The following R3HDM1 variants were observed in gnomAD, a reference collection of about 807,000 sequenced individuals.
R3HDM1 encodes the protein R3H domain-containing protein 1.
R3HDM1 carries 46 observed loss-of-function variants against 141.1 expected under a neutral mutation model. That is an observed-to-expected ratio of 0.33 (90% CI 0.26 to 0.42). The LOEUF (loss-of-function observed/expected upper bound fraction) is 0.42. R3HDM1 is among the 10% of genes least tolerant of loss of function. R3HDM1 has a pLI of 1.00. For synonymous variants in R3HDM1, 435 were observed against 472.9 expected (o/e 0.92, Z 1.04); for missense variants, 1,184 against 1,368.3 (o/e 0.87, Z 2.12).
At chr2:135,683,022 T>C (rs1559425688) in intron 21 of R3HDM1, among the ~76,000 whole-genome samples, 1 of 151,834 alleles carries the variant, frequency 6.6e-6, no homozygotes, top group Non-Finnish European at 1.5e-5. Flanking sequence ...AAAAAGTCTT[T>C]GGAATTACCC....
intron 20 of R3HDM1, among the ~76,000 whole-genome samples, chr2:135,678,952 T>C (rs1294845089): frequency 6.6e-6 from 1 of 151,432 alleles, no homozygotes; most frequent in African/African-American, 2.4e-5. Context: ...AGAGACGGGG[T>C]TTCACCATGT....
At chr2:135,719,200 A>G (rs968479221) in intron 24 of R3HDM1, among the ~76,000 whole-genome samples, 6 of 151,970 alleles carry the variant, frequency 3.9e-5, no homozygotes, top group Non-Finnish European at 8.8e-5. Context: ...GCATATTTTA[A>G]AAAAATAAAT....
intron 1 of R3HDM1, chr2:135,536,487 G>A: frequency 1.1e-6 from 1 of 891,250 alleles, no homozygotes; most frequent in South Asian, 5.2e-5. Flanking sequence ...TTTAAATCAT[G>A]TTTGCTTTAC....
intron 1 of R3HDM1, among the ~76,000 whole-genome samples, chr2:135,560,105 A>G (rs1447550076): frequency 6.6e-6 from 1 of 152,216 alleles, no homozygotes; most frequent in Non-Finnish European, 1.5e-5. Flanking sequence ...AAGTTGGCGC[A>G]TGTATATATT....
chr2:135,583,825 T>C, intron 1 of R3HDM1: 2 of 985,454 alleles, frequency 2.0e-6, no homozygotes, highest in Non-Finnish European at 2.4e-6. Context: ...TTATCAGCCA[T>C]GTTAGTAATT....
intron 19 of R3HDM1, chr2:135,670,155 A>AG (rs57748150): frequency 0.034 from 10,836 of 321,670 alleles, 751 homozygotes; most frequent in African/African-American, 0.17. Flanking sequence ...AAAAAAAAAA[A>AG]AAACCAACAA....
At chr2:135,645,598 T>G (rs2064310164) in intron 16 of R3HDM1, 71 bp downstream of exon 16, 1 of 1,514,396 alleles carries the variant, frequency 6.6e-7, no homozygotes, top group East Asian at 2.3e-5. Context: ...ATTCGCTAAT[T>G]ATAATTGAGA....
At position 135,641,580 on chromosome 2, in the gene R3HDM1, T is replaced by C; in HGVS notation, c.1264T>C (p.Ser422Pro). The change falls in exon 15 of 27, where the codon TCT becomes CCT. Residue 422 changes from serine to proline, a missense_variant. By Grantham distance (74) the Ser-to-Pro change is moderately conservative. Transcript: ENST00000683871. ...TGTAGGGTCATCTACAGGCTCTCTT[T>C]CTCACATCCAGCAGCCTCTTCCAGG... ...GSVGSSTGSLSHIQQPLPGTA... is the reference protein window; with the variant it reads ...GSVGSSTGSLPHIQQPLPGTA... 1 of 1,614,108 alleles carries C rather than the reference T, an allele frequency of 6.2e-7. No homozygotes were observed. The highest frequency in any genetic ancestry group is 8.5e-7 in the Non-Finnish European group (1 of 1,179,956).
At chr2:135,561,714 G>T (rs565192615) in intron 1 of R3HDM1, among the ~76,000 whole-genome samples, 3 of 148,686 alleles carry the variant, frequency 2.0e-5, no homozygotes, top group African/African-American at 7.7e-5. Context: ...GTGAGGTCCT[G>T]TCTCAAAAAC....
chr2:135,579,205 AAT>A (rs1457319362), intron 1 of R3HDM1, among the ~76,000 whole-genome samples: 1 of 152,220 alleles, frequency 6.6e-6, no homozygotes, highest in Non-Finnish European at 1.5e-5. Flanking sequence ...TAATTCAAAA[AAT>A]GATTAGGGCA....
chr2:135,646,764 A>T (rs929710108), intron 16 of R3HDM1, among the ~76,000 whole-genome samples: 1 of 151,040 alleles, frequency 6.6e-6, no homozygotes, highest in African/African-American at 2.4e-5. Context: ...CAGGAGAATC[A>T]CTTGAACCCG....
At chr2:135,572,667 G>T (rs1573951388) in intron 1 of R3HDM1, among the ~76,000 whole-genome samples, 1 of 152,206 alleles carries the variant, frequency 6.6e-6, no homozygotes, top group Admixed American at 6.5e-5. Context: ...ATATAGGCAA[G>T]AGAAATGAAA....
intron 1 of R3HDM1, among the ~76,000 whole-genome samples, chr2:135,596,290 G>A (rs546435465): frequency 2.0e-5 from 3 of 152,210 alleles, no homozygotes; most frequent in South Asian, 2.1e-4. Context: ...GAGCCACCGC[G>A]CCCAGCCTAA....
chr2:135,537,658 T>TTTATC (rs1324984272), intron 1 of R3HDM1, among the ~76,000 whole-genome samples: 2 of 148,600 alleles, frequency 1.3e-5, no homozygotes, highest in Non-Finnish European at 3.0e-5. Context: ...TTTATTTTAT[T>TTTATC]TTATTTTATT....
At chr2:135,655,691 A>G (rs1047747092) in intron 18 of R3HDM1, among the ~76,000 whole-genome samples, 6 of 152,004 alleles carry the variant, frequency 3.9e-5, no homozygotes, top group Admixed American at 3.9e-4. Context: ...TATTTTTAGT[A>G]GAGACGGGGT....
chr2:135,570,771 A>G (rs1703927177), intron 1 of R3HDM1, among the ~76,000 whole-genome samples: 1 of 152,232 alleles, frequency 6.6e-6, no homozygotes, highest in Non-Finnish European at 1.5e-5. Flanking sequence ...TTGCTCTTAC[A>G]TGCCATCAAA....
chr2:135,692,331 G>A (rs995455477), intron 21 of R3HDM1, among the ~76,000 whole-genome samples: 7 of 152,090 alleles, frequency 4.6e-5, no homozygotes, highest in African/African-American at 1.7e-4. Flanking sequence ...CGGGCACAGT[G>A]GCTCACGTCT....
intron 1 of R3HDM1, among the ~76,000 whole-genome samples, chr2:135,542,323 T>C (rs1173348387): frequency 6.6e-6 from 1 of 152,242 alleles, no homozygotes; most frequent in Non-Finnish European, 1.5e-5. Flanking sequence ...ATATTTAACA[T>C]AGTTCAATTG....
chr2:135,659,764 G>A (rs2066453102), intron 18 of R3HDM1, among the ~76,000 whole-genome samples: 1 of 152,100 alleles, frequency 6.6e-6, no homozygotes, highest in African/African-American at 2.4e-5. Flanking sequence ...TGAAATAATA[G>A]TTAAAAATAT....
Sources: allele counts gnomAD v4.1 joint callset (sites outside exome capture counted in the v4.1 genomes callset), GRCh38; gene constraint gnomAD v4.1.1; transcripts MANE v1.5; gene names NCBI Gene and HGNC (gene_info 2026-07-23, HGNC 2026-07-21).